Variants in CSMD2 observed in about 807,000 individuals in gnomAD.
CSMD2 encodes the protein CUB and Sushi multiple domains 2, also known as CUB and sushi domain-containing protein 2.
Under a neutral mutation model 398.5 loss-of-function variants are expected in CSMD2, and 130 were observed. The observed-to-expected ratio is 0.33, with a 90% CI of 0.28 to 0.38. The LOEUF (loss-of-function observed/expected upper bound fraction) is 0.38, where lower values mean the gene tolerates loss of function less well. Among genes scored for constraint, CSMD2 ranks in the 10% least tolerant of loss-of-function variants. The pLI is 1.00. For missense variants in CSMD2, 3,829 were observed against 4,764.9 expected (o/e 0.80, Z 5.78); for synonymous variants, 1,828 against 1,908.5 (o/e 0.96, Z 1.10).
At chr1:33,886,750 G>A (rs904181291) in intron 5 of CSMD2, among the ~76,000 whole-genome samples, 1 of 152,188 alleles carries the variant, frequency 6.6e-6, no homozygotes. Flanking sequence ...CTCGGCTAAG[G>A]GACAGAAGTC....
chr1:33,706,972 T>C lies in CSMD2; in HGVS notation c.3576+2117A>G, dbSNP rs74069418. 3.8e-3 allele frequency among the ~76,000 whole-genome samples: 574 copies of C among 152,282 alleles called. 1 individual carries two copies. Among genetic ancestry groups the C allele is most frequent in the African/African-American group, 0.013 (546 of 41,552 alleles). On this transcript the variant is annotated intron_variant, in intron 22 of 70. Coordinates refer to ENST00000373381, the MANE Select transcript of CSMD2 (RefSeq NM_001281956.2). ...CCTCCCTGAACTCTGACCTAGGTTT[T>C]ATGCCCCATGTCCCTCCTCCTTTCT...
At chr1:33,521,988 A>T (rs1256622918) in intron 67 of CSMD2, among the ~76,000 whole-genome samples, 1 of 152,224 alleles carries the variant, frequency 6.6e-6, no homozygotes, top group Admixed American at 6.5e-5. Flanking sequence ...GAACACACAG[A>T]ACCATGCTGA....
intron 5 of CSMD2, among the ~76,000 whole-genome samples, chr1:33,859,220 C>A (rs1253194989): frequency 2.6e-5 from 4 of 152,190 alleles, no homozygotes; most frequent in Non-Finnish European, 5.9e-5. Flanking sequence ...TTTCAGCAGG[C>A]CAAGATCAAG....
At chr1:33,683,332 T>A (rs971912511) in intron 25 of CSMD2, among the ~76,000 whole-genome samples, 1 of 152,166 alleles carries the variant, frequency 6.6e-6, no homozygotes, top group Non-Finnish European at 1.5e-5. Flanking sequence ...GTAAAACATG[T>A]TTAGAAAAAA....
At position 33,571,619 on chromosome 1, in the gene CSMD2, G is replaced by A. The variant is rs777184718; in HGVS notation, c.7870C>T (p.Pro2624Ser). 1.2e-5 allele frequency: 19 copies of A among 1,590,846 alleles called. No individual in the cohort carries two copies. In the South Asian group the frequency reaches 2.2e-4, roughly 18 times the overall value. The change falls in exon 51 of 71, where the codon CCT (proline) becomes TCT (serine). Residue 2624 changes from proline to serine, a missense_variant. Physicochemically the swap from Pro to Ser is moderately conservative, Grantham distance 74 (BLOSUM62 -1). Coordinates refer to ENST00000373381, the MANE Select transcript of CSMD2 (RefSeq NM_001281956.2). ...FQAQLMLICD[P>S]GYYYTGQRVI... ...CTTTGGCCAGTATAGTAGTAGCCAGGGTCACAGATGAGCATCAGCTGGGCC... is the reference window on the plus strand; with the variant it reads ...CTTTGGCCAGTATAGTAGTAGCCAGAGTCACAGATGAGCATCAGCTGGGCC...
intron 25 of CSMD2, among the ~76,000 whole-genome samples, chr1:33,681,124 G>A (rs1644897648): frequency 6.6e-6 from 1 of 151,546 alleles, no homozygotes; most frequent in East Asian, 1.9e-4. Context: ...GGGTTTAGCT[G>A]GGTTGACCAT....
chr1:33,584,664 T>TA (rs1472448759), intron 46 of CSMD2, among the ~76,000 whole-genome samples: 11 of 76,480 alleles, frequency 1.4e-4, no homozygotes, highest in Non-Finnish European at 2.7e-4. Flanking sequence ...AGACTCCATC[T>TA]CAAAAAAAAT....
rs190213804 is a variant in CSMD2, at chr1:33,770,979, A to T, written c.1846+1590T>A. On this transcript the variant is annotated intron_variant, in intron 13 of 70. Transcript: ENST00000373381. ...GGCCAAGTAAACTCTTGGAGGGGTC[A>T]AGCAACAGTCCCTCAGCTGGCATTC... Among the ~76,000 whole-genome samples, 66 of 152,334 alleles carry T rather than the reference A, an allele frequency of 4.3e-4. 1 individual carries two copies. The highest frequency in any genetic ancestry group is 2.2e-3 in the Admixed American group (33 of 15,306).
chr1:33,528,414 G>A (rs1469733079), intron 64 of CSMD2, among the ~76,000 whole-genome samples: 1 of 152,220 alleles, frequency 6.6e-6, no homozygotes, highest in South Asian at 2.1e-4. Flanking sequence ...CTGCCTTGGC[G>A]GGGAGCACAG....
At position 33,578,092 on chromosome 1, in the gene CSMD2, G is replaced by T. The variant is rs181807975; in HGVS notation, c.7388-608C>A. On this transcript the variant is annotated intron_variant, in intron 48 of 70. Coordinates refer to ENST00000373381, the MANE Select transcript of CSMD2 (RefSeq NM_001281956.2). The stretch of plus-strand genomic sequence containing the variant: ...GTTCAATGCTCAGTAAGTGGTCATT[G>T]TCCTTCTTTGTGCTGTGTGGGGGAA... 9.1e-4 allele frequency among the ~76,000 whole-genome samples: 138 copies of T among 152,282 alleles called. 2 individuals are homozygous for T. Among genetic ancestry groups the T allele is most frequent in the Non-Finnish European group, 5.9e-5 (4 of 68,018 alleles).
chr1:33,958,712 G>A (rs796240919), intron 3 of CSMD2, among the ~76,000 whole-genome samples: 14 of 152,312 alleles, frequency 9.2e-5, no homozygotes, highest in African/African-American at 3.4e-4. Context: ...ACTTGAGAGA[G>A]GCCCTCAGGT....
At chr1:33,551,038 G>T (rs1372838260) in intron 55 of CSMD2, among the ~76,000 whole-genome samples, 1 of 152,202 alleles carries the variant, frequency 6.6e-6, no homozygotes, top group Non-Finnish European at 1.5e-5. Flanking sequence ...TCATGTGCTA[G>T]ACACTCCGTG....
intron 29 of CSMD2, among the ~76,000 whole-genome samples, chr1:33,644,056 C>T (rs959418114): frequency 4.6e-5 from 7 of 152,144 alleles, no homozygotes; most frequent in Non-Finnish European, 7.3e-5. Flanking sequence ...ATGGGGGATA[C>T]GTCTGTAGGA....
At chr1:33,973,705 G>A (rs1271005975) in intron 3 of CSMD2, among the ~76,000 whole-genome samples, 1 of 152,180 alleles carries the variant, frequency 6.6e-6, no homozygotes, top group Non-Finnish European at 1.5e-5. Flanking sequence ...CGTAAGAGCT[G>A]GCTGGGGAGA....
chr1:33,633,545 A>G lies in CSMD2; in HGVS notation c.5087-10T>C, dbSNP rs1444435432. 1.3e-6 allele frequency: 2 copies of G among 1,540,044 alleles called. No individual in the cohort carries two copies. Among genetic ancestry groups the G allele is most frequent in the South Asian group, 2.4e-5 (2 of 83,810 alleles). ...AACTGGCCAAACACCACTGTGGAGG[A>G]GACACAGTGTGGGGACTGGGCAGGC... is the stretch of plus-strand genomic sequence containing the variant. On this transcript the variant is annotated splice_polypyrimidine_tract_variant and intron_variant, in intron 31 of 70. Coordinates refer to ENST00000373381, the MANE Select transcript of CSMD2 (RefSeq NM_001281956.2). The surrounding 1 kb of genome is among the most constrained non-coding windows in gnomAD (Gnocchi z 5.0).
intron 6 of CSMD2, among the ~76,000 whole-genome samples, chr1:33,837,810 C>T (rs1340522886): frequency 6.6e-6 from 1 of 152,232 alleles, no homozygotes; most frequent in Non-Finnish European, 1.5e-5. Context: ...TTACTAGGTA[C>T]ATTCATCTCC....
intron 6 of CSMD2, among the ~76,000 whole-genome samples, chr1:33,833,947 T>C (rs7524428): frequency 0.65 from 96,665 of 147,810 alleles, 33,173 homozygotes; most frequent in African/African-American, 0.88. Flanking sequence ...TTACAAGGGA[T>C]GTGAAGGAAC....
At chr1:33,873,878 G>C (rs151184035) in intron 5 of CSMD2, 1 of 152,230 alleles carries the variant, frequency 6.6e-6, no homozygotes, top group African/African-American at 2.4e-5. Context: ...GGGCTACACT[G>C]CATTTTCCCC....
intron 19 of CSMD2, among the ~76,000 whole-genome samples, chr1:33,721,962 T>G (rs1646372585): frequency 6.6e-6 from 1 of 152,232 alleles, no homozygotes; most frequent in African/African-American, 2.4e-5. Context: ...TATATTCTTT[T>G]GGCAAACTTA....
Sources: gnomAD v4.1 joint callset for allele counts (sites outside exome capture counted in the v4.1 genomes callset) on GRCh38, gnomAD v4.1.1 for gene constraint, Gnocchi (gnomAD v3.1) non-coding constraint, MANE v1.5 for transcripts, NCBI Gene and HGNC (gene_info 2026-07-23, HGNC 2026-07-21) for gene names.